The following SGCZ variants were observed in gnomAD, a reference collection of about 807,000 sequenced individuals.
SGCZ encodes zeta-sarcoglycan.
In SGCZ, 40 loss-of-function variants were observed where a neutral mutation model predicts 41.3. The ratio of observed to expected loss-of-function variants is 0.97; its 90% CI spans 0.75 to 1.26. The LOEUF (loss-of-function observed/expected upper bound fraction) is 1.26. Ranked by LOEUF, SGCZ falls within the 50% of genes most tolerant of loss-of-function variation. The pLI is 0.00. For missense variants in SGCZ, 552 were observed against 369.8 expected (o/e 1.49, Z -4.04); for synonymous variants, 206 against 137.5 (o/e 1.50, Z -3.49).
intron 1 of SGCZ, among the ~76,000 whole-genome samples, chr8:14,572,878 A>T (rs1384877192): frequency 1.3e-5 from 2 of 152,158 alleles, no homozygotes; most frequent in African/African-American, 4.8e-5. Flanking sequence ...GTTACTGTTG[A>T]TGTTTCTGTT....
chr8:14,187,111 T>TA (rs1804932306), intron 4 of SGCZ, among the ~76,000 whole-genome samples: 1 of 152,132 alleles, frequency 6.6e-6, no homozygotes, highest in Admixed American at 6.6e-5. Context: ...CCTAAGACTG[T>TA]ACCCTCTGAG....
intron 2 of SGCZ, among the ~76,000 whole-genome samples, chr8:14,425,386 C>T (rs933796096): frequency 1.3e-5 from 2 of 151,938 alleles, no homozygotes; most frequent in African/African-American, 2.4e-5. Context: ...TTTGGGAGGC[C>T]GAGGCAGGTG....
chr8:14,458,630 T>C lies in SGCZ; in HGVS notation c.234+96102A>G, dbSNP rs543641294. ...ACATAGATAAGGAAATAAATAAAGC[T>C]GTGTAGCAACATGTGGACTAGGATC... On this transcript the variant is annotated intron_variant, in intron 2 of 7. Coordinates refer to ENST00000382080, the MANE Select transcript of SGCZ (RefSeq NM_139167.4). Among the ~76,000 whole-genome samples, 15 of 152,282 alleles carry C rather than the reference T, an allele frequency of 9.9e-5. No homozygotes were observed. The South Asian group carries it at 2.5e-3, about 25-fold the overall frequency.
rs149207318 is a variant in SGCZ at position 14,418,076 on chromosome 8, T to C, written c.235-93872A>G. On this transcript the variant is annotated intron_variant, in intron 2 of 7. Transcript: ENST00000382080. ...GTCATGCTAGGCAGTTTGCTGGGTG[T>C]TGTGAATTCAAGGTGAATGAGTAAA... 1.9e-4 allele frequency among the ~76,000 whole-genome samples: 29 copies of C among 152,054 alleles called. No homozygotes were observed. In the East Asian group the frequency reaches 5.4e-3, roughly 28 times the overall value.
rs911148258 is a variant in SGCZ, at chr8:14,634,635, A to G, written c.40-79709T>C. On this transcript the variant is annotated intron_variant, in intron 1 of 7. Coordinates refer to ENST00000382080, the MANE Select transcript of SGCZ (RefSeq NM_139167.4). Reference sequence around the variant, plus strand: ...AAAGATGCCTTGAAGGAGTAAAACCACTGAGGTCTCCAATTTCACTGGAAT... The same window carrying G: ...AAAGATGCCTTGAAGGAGTAAAACCGCTGAGGTCTCCAATTTCACTGGAAT... Among the ~76,000 whole-genome samples the G allele has an allele frequency of 5.9e-5, 9 of 151,862 alleles. No individual in the cohort carries two copies. The South Asian group carries it at 1.4e-3, about 24-fold the overall frequency.
intron 1 of SGCZ, among the ~76,000 whole-genome samples, chr8:14,799,432 G>A (rs983303142): frequency 1.3e-5 from 2 of 152,092 alleles, no homozygotes; most frequent in Non-Finnish European, 2.9e-5. Context: ...CTGATGGAGA[G>A]TACATCAGCT....
intron 5 of SGCZ, among the ~76,000 whole-genome samples, chr8:14,138,209 C>G (rs1803260679): frequency 6.6e-6 from 1 of 152,166 alleles, no homozygotes; most frequent in African/African-American, 2.4e-5. Context: ...ACAACCAGTA[C>G]CAGCCACTAC....
chr8:14,340,098 A>C (rs1412352681), intron 2 of SGCZ, among the ~76,000 whole-genome samples: 3 of 152,110 alleles, frequency 2.0e-5, no homozygotes, highest in Non-Finnish European at 4.4e-5. Flanking sequence ...AGATATGGTC[A>C]ATTACATTTC....
chr8:14,269,333 G>C (rs189659153), intron 3 of SGCZ, among the ~76,000 whole-genome samples: 28 of 152,240 alleles, frequency 1.8e-4, no homozygotes, highest in Admixed American at 8.5e-4. Context: ...ATTAGAAGCA[G>C]TGCTAATATA....
At chr8:14,692,500 T>G (rs1278488033) in intron 1 of SGCZ, among the ~76,000 whole-genome samples, 1 of 152,152 alleles carries the variant, frequency 6.6e-6, no homozygotes, top group Non-Finnish European at 1.5e-5. Flanking sequence ...GTAATCTTGG[T>G]TTATATTTCC....
intron 5 of SGCZ, among the ~76,000 whole-genome samples, chr8:14,134,653 C>A (rs1393330824): frequency 6.6e-6 from 1 of 152,168 alleles, no homozygotes; most frequent in South Asian, 2.1e-4. Context: ...CTTGGTAAAT[C>A]CTCTTTACCT....
At chr8:14,246,448 G>T (rs1799093331) in intron 3 of SGCZ, among the ~76,000 whole-genome samples, 1 of 151,908 alleles carries the variant, frequency 6.6e-6, no homozygotes, top group Non-Finnish European at 1.5e-5. Context: ...GACTGTTGTG[G>T]GGTGGGGGGA....
chr8:14,610,925 C>A (rs543805659), intron 1 of SGCZ, among the ~76,000 whole-genome samples: 13 of 152,240 alleles, frequency 8.5e-5, no homozygotes, highest in South Asian at 2.1e-4. Context: ...TTACCACATG[C>A]TTCCAAACCT....
intron 2 of SGCZ, among the ~76,000 whole-genome samples, chr8:14,552,229 A>C (rs575342076): frequency 1.0e-3 from 159 of 152,184 alleles, no homozygotes; most frequent in Non-Finnish European, 1.4e-3. Context: ...ATTATTTCAC[A>C]CCCTTCAAGT....
rs538973745 is a variant in SGCZ, at chr8:14,541,087, CAT to C, written c.234+13643_234+13644del. On this transcript the variant is annotated intron_variant, in intron 2 of 7. Transcript: ENST00000382080. ...TATGTGTATATACAAAAACACAACA[CAT>C]ACACACACATATATTATATATATCA... Among the ~76,000 whole-genome samples the C allele has an allele frequency of 2.7e-3, 415 of 151,354 alleles. 3 individuals carry two copies. The highest frequency in any genetic ancestry group is 9.7e-3 in the African/African-American group (400 of 41,304).
chr8:14,886,030 T>TATATATACATAC (rs1554517469), intron 1 of SGCZ, among the ~76,000 whole-genome samples: 4 of 98,944 alleles, frequency 4.0e-5, no homozygotes, highest in Admixed American at 1.0e-4. Flanking sequence ...TATATATATA[T>TATATATACATAC]ATATAAAATT....
intron 2 of SGCZ, among the ~76,000 whole-genome samples, chr8:14,488,889 G>C (rs1261766447): frequency 1.3e-5 from 2 of 151,974 alleles, no homozygotes; most frequent in South Asian, 4.2e-4. Flanking sequence ...TTTAACTAAA[G>C]ATTAATTAGT....
chr8:14,926,284 G>A (rs1038729540), intron 1 of SGCZ, among the ~76,000 whole-genome samples: 11 of 151,980 alleles, frequency 7.2e-5, no homozygotes, highest in African/African-American at 1.4e-4. Flanking sequence ...AAAGATCATC[G>A]AAAAAATATT....
At chr8:14,103,918 G>GTATT (rs1563128527) in intron 6 of SGCZ, among the ~76,000 whole-genome samples, 1 of 152,088 alleles carries the variant, frequency 6.6e-6, no homozygotes, top group Non-Finnish European at 1.5e-5. Context: ...ATGTTAAAAT[G>GTATT]TATTTTTTAT....
Sources: allele counts gnomAD v4.1 joint callset (sites outside exome capture counted in the v4.1 genomes callset), GRCh38; gene constraint gnomAD v4.1.1; transcripts MANE v1.5; gene names NCBI Gene and HGNC (gene_info 2026-07-23, HGNC 2026-07-21).